Variants in NEK1 observed in about 807,000 individuals in gnomAD.
NEK1 encodes the protein serine/threonine-protein kinase Nek1.
Under a neutral mutation model 182.1 loss-of-function variants are expected in NEK1, and 137 were observed. That is an observed-to-expected ratio of 0.75 (90% CI 0.65 to 0.87). The LOEUF is 0.87. NEK1 is among the 40% of genes least tolerant of loss of function. The pLI is 0.00. For missense variants in NEK1, 1,391 were observed against 1,494.4 expected (o/e 0.93, Z 1.14); for synonymous variants, 513 against 492.2 (o/e 1.04, Z -0.56).
intron 18 of NEK1, among the ~76,000 whole-genome samples, chr4:169,540,043 A>G (rs7660881): frequency 0.013 from 2,010 of 152,172 alleles, 42 homozygotes; most frequent in African/African-American, 0.046. Context: ...TACTTGCTCT[A>G]TGTATTTATA....
At chr4:169,574,157 CAAAAAGAAAA>C (rs1263828907) in intron 12 of NEK1, among the ~76,000 whole-genome samples, 2 of 151,312 alleles carry the variant, frequency 1.3e-5, no homozygotes, top group Admixed American at 1.3e-4. Context: ...GACTCTTTCT[CAAAAAGAAAA>C]GAAAAGAGAA....
intron 31 of NEK1, among the ~76,000 whole-genome samples, chr4:169,417,008 TATGTGCTATAGTAGC>T (rs1734654149): frequency 6.6e-6 from 1 of 152,242 alleles, no homozygotes; most frequent in East Asian, 1.9e-4. Context: ...GAGTTTCCTG[TATGTGCTATAGTAGC>T]ATGTCCTATA....
intron 5 of NEK1, among the ~76,000 whole-genome samples, chr4:169,596,809 T>C (rs1769572865): frequency 6.6e-6 from 1 of 152,196 alleles, no homozygotes; most frequent in Admixed American, 6.5e-5. Flanking sequence ...TAGGCTAAAA[T>C]AAATAGCATC....
chr4:169,498,902 G>C (rs1751886358), intron 23 of NEK1, among the ~76,000 whole-genome samples: 1 of 152,136 alleles, frequency 6.6e-6, no homozygotes, highest in Admixed American at 6.6e-5. Context: ...CTCTTCTCGA[G>C]GAGTATCTTT....
intron 28 of NEK1, among the ~76,000 whole-genome samples, chr4:169,434,996 T>C (rs1181316747): frequency 1.3e-5 from 2 of 152,242 alleles, no homozygotes; most frequent in Non-Finnish European, 2.9e-5. Flanking sequence ...CACTAGGCTA[T>C]ACAGCTTCCA....
intron 2 of NEK1, among the ~76,000 whole-genome samples, chr4:169,606,651 C>A (rs1771388611): frequency 6.6e-6 from 1 of 152,188 alleles, no homozygotes; most frequent in East Asian, 1.9e-4. Context: ...AAGAAGACCA[C>A]AGATATCTCT....
intron 18 of NEK1, among the ~76,000 whole-genome samples, chr4:169,546,669 T>TGC (rs1760516942): frequency 6.6e-6 from 1 of 152,212 alleles, no homozygotes; most frequent in East Asian, 1.9e-4. Context: ...CTGTATTGGG[T>TGC]ACGTATATAT....
At chr4:169,507,167 A>G (rs1361525584) in intron 22 of NEK1, 35 bp from the exon 23 acceptor site, 4 of 1,300,538 alleles carry the variant, frequency 3.1e-6, no homozygotes, top group South Asian at 1.4e-5. Flanking sequence ...ATGAGTTACC[A>G]GAAAGAAGGG....
At chr4:169,601,186 G>A (rs1157912261) in intron 4 of NEK1, among the ~76,000 whole-genome samples, 1 of 152,164 alleles carries the variant, frequency 6.6e-6, no homozygotes, top group Non-Finnish European at 1.5e-5. Context: ...GAGACTTATA[G>A]TAGACACAGA....
At chr4:169,521,388 G>T (rs1326845234) in intron 19 of NEK1, among the ~76,000 whole-genome samples, 1 of 142,604 alleles carries the variant, frequency 7.0e-6, no homozygotes, top group African/African-American at 2.6e-5. Context: ...CACACACACT[G>T]GCCTGCGCCC....
intron 27 of NEK1, among the ~76,000 whole-genome samples, chr4:169,442,200 T>C (rs1292325463): frequency 6.6e-6 from 1 of 152,134 alleles, no homozygotes; most frequent in Non-Finnish European, 1.5e-5. Flanking sequence ...GCCAAGTACC[T>C]GCATTCTCAG....
intron 31 of NEK1, among the ~76,000 whole-genome samples, chr4:169,420,230 G>GAAT (rs1284309495): frequency 6.6e-6 from 1 of 152,114 alleles, no homozygotes; most frequent in African/African-American, 2.4e-5. Flanking sequence ...GCAATAACAC[G>GAAT]AATGAAGCTG....
At chr4:169,477,888 T>C (rs1747267134) in intron 24 of NEK1, among the ~76,000 whole-genome samples, 1 of 152,032 alleles carries the variant, frequency 6.6e-6, no homozygotes, top group African/African-American at 2.4e-5. Flanking sequence ...TAGAAAAAGT[T>C]TTGATAGATG....
intron 5 of NEK1, among the ~76,000 whole-genome samples, chr4:169,592,712 A>G (rs924719740): frequency 6.8e-6 from 1 of 146,792 alleles, no homozygotes; most frequent in Non-Finnish European, 1.5e-5. Context: ...AAAAAAAAAA[A>G]CTCTCAGTTC....
At chr4:169,562,063 T>C (rs1231689528) in intron 13 of NEK1, 74 bp downstream of exon 13, 2 of 1,236,800 alleles carry the variant, frequency 1.6e-6, no homozygotes, top group Non-Finnish European at 2.3e-6. Flanking sequence ...TTGGAGGCTT[T>C]ATAGTAAGAT....
At chr4:169,608,843 G>C (rs1771829455) in intron 2 of NEK1, among the ~76,000 whole-genome samples, 1 of 152,092 alleles carries the variant, frequency 6.6e-6, no homozygotes, top group Admixed American at 6.6e-5. Flanking sequence ...CGGATCACTT[G>C]AGGTCAGGAG....
In NEK1 at chr4:169,580,848, T is replaced by C. The variant is rs1339992357; in HGVS notation, c.862A>G (p.Ile288Val). Residue 288 changes from isoleucine to valine, a missense_variant, in exon 11 of 36, where the codon ATA becomes GTA. Transcript: ENST00000507142. ...CATATCAGATTTCATTTACCTGGTA[T>C]AGGCTGTGATCCAAACTTCGAAAAT... ...KTFSKFGSQP[I>V]PAKRPASGQN... is the part of the protein sequence containing the mutation. The C allele has an allele frequency of 2.6e-6, 4 of 1,527,556 alleles. No homozygotes were observed. The highest frequency in any genetic ancestry group is 3.5e-6 in the Non-Finnish European group (4 of 1,127,870). The allele number at this position is 1,527,556 out of a possible 1,614,324, so 94.6% of individuals were successfully genotyped here.
intron 27 of NEK1, among the ~76,000 whole-genome samples, chr4:169,442,906 C>T (rs994266416): frequency 2.0e-5 from 3 of 151,676 alleles, no homozygotes; most frequent in Non-Finnish European, 4.4e-5. Flanking sequence ...GGTGTGGTGG[C>T]ATGTGCCTAT....
intron 31 of NEK1, among the ~76,000 whole-genome samples, chr4:169,423,067 A>C (rs6824260): frequency 0.093 from 14,185 of 152,240 alleles, 819 homozygotes; most frequent in African/African-American, 0.16. Flanking sequence ...AAATGAAAGT[A>C]TACCCAGTTG....
Sources: allele counts gnomAD v4.1 joint callset (sites outside exome capture counted in the v4.1 genomes callset), GRCh38; gene constraint gnomAD v4.1.1; transcripts MANE v1.5; gene names NCBI Gene and HGNC (gene_info 2026-07-23, HGNC 2026-07-21).